Variants in TRDN observed in about 807,000 individuals in gnomAD.
TRDN encodes triadin, also known as triadin in skeletal muscle.
A neutral mutation model predicts 149.7 loss-of-function variants in TRDN; 161 were observed. The observed-to-expected ratio is 1.08, with a 90% CI of 0.95 to 1.23. TRDN has a LOEUF of 1.23. Among genes scored for constraint, TRDN ranks in the 50% most tolerant of loss-of-function variants. TRDN has a pLI of 0.00. For synonymous variants in TRDN, 294 were observed against 250.5 expected, an observed-to-expected ratio of 1.17 and a Z score of -1.64; for missense variants, 896 against 823.5, an observed-to-expected ratio of 1.09 and a Z score of -1.08.
rs149446213 is a variant in TRDN at position 123,491,132 on chromosome 6, A to AGAAGGAAG, written c.853+6053_853+6060dup. ...AAAAAAAAAATAAAGAAGGAACGAA[A>AGAAGGAAG]GAAGGAAGGAAGGAAGGAAGGAAGG... On this transcript the variant is annotated intron_variant, in intron 9 of 40. Transcript: ENST00000334268. Among the ~76,000 whole-genome samples, 81 of 146,348 alleles carry AGAAGGAAG rather than the reference A, an allele frequency of 5.5e-4. 1 individual carries two copies. The highest frequency in any genetic ancestry group is 3.5e-3 in the Middle Eastern group (1 of 284).
At chr6:123,583,311 G>A (rs956665856) in intron 1 of TRDN, among the ~76,000 whole-genome samples, 2 of 151,874 alleles carry the variant, frequency 1.3e-5, no homozygotes, top group South Asian at 4.2e-4. Context: ...AGTTTTTGGG[G>A]GGCACAGTCT....
At chr6:123,381,518 G>A in intron 15 of TRDN, 128 bp from the exon 16 acceptor site, 4 of 832,372 alleles carry the variant, frequency 4.8e-6, no homozygotes, top group East Asian at 2.7e-5. Flanking sequence ...ATTTCACAAT[G>A]AGGTGAAATT....
At chr6:123,305,209 C>T (rs1582845821) in intron 24 of TRDN, among the ~76,000 whole-genome samples, 1 of 152,064 alleles carries the variant, frequency 6.6e-6, no homozygotes. Context: ...ACTGTCATTT[C>T]CTGGAAGGCC....
In TRDN at chr6:123,393,637, T is replaced by G. The variant is rs886061032; in HGVS notation, c.1092A>C (p.Lys364Asn). 6.2e-7 allele frequency: 1 copy of G among 1,605,946 alleles called. No individual in the cohort carries two copies. The change falls in exon 13 of 41, where the codon AAA (lysine) becomes AAC (asparagine). Residue 364 changes from lysine to asparagine, a missense_variant. Physicochemically the swap from Lys to Asn is moderately conservative, Grantham distance 94. Coordinates refer to ENST00000334268, the MANE Select transcript of TRDN (RefSeq NM_006073.4). ...TTTATTGCTTACCTTGTGCTGCAAT[T>G]TTTACAGTCCCTTGTTTGGTTTCAG... Reference protein sequence around the residue: ...KASETKQGTVKIAAQAAAKKD... With the variant: ...KASETKQGTVNIAAQAAAKKD...
Position 123,548,683 on chromosome 6 carries a change from T to C in TRDN, c.233-71A>G. On this transcript the variant is annotated intron_variant, in intron 2 of 40. Transcript: ENST00000334268. ...TTCCAAATAACTTAAGAAAAGCTGT[T>C]TTTACTGATTTGTTGTTTTGACAAA... 4.2e-6 allele frequency: 5 copies of C among 1,202,702 alleles called. No individual in the cohort carries two copies. The South Asian group carries it at 1.6e-4, about 38-fold the overall frequency. The allele number at this position is 1,202,702 out of a possible 1,614,324, so 74.5% of individuals were successfully genotyped here. A position where few individuals can be genotyped will look rare whatever the true frequency, so the allele number is the denominator to read the frequency against.
chr6:123,267,825 A>T, intron 31 of TRDN, 74 bp from the exon 32 acceptor site: 3 of 1,192,444 alleles, frequency 2.5e-6, no homozygotes, highest in Non-Finnish European at 3.5e-6. Flanking sequence ...TATATTTGCA[A>T]GTGATCCTCA....
intron 1 of TRDN, among the ~76,000 whole-genome samples, chr6:123,588,652 AC>A (rs1371908579): frequency 3.9e-5 from 6 of 152,164 alleles, no homozygotes; most frequent in Admixed American, 3.9e-4. Context: ...TAAACAGGAG[AC>A]ATTTACTTCT....
chr6:123,405,947 C>T (rs1773175051), intron 12 of TRDN, among the ~76,000 whole-genome samples: 1 of 152,072 alleles, frequency 6.6e-6, no homozygotes. Context: ...GTATTTTGTG[C>T]TATAATGTTT....
chr6:123,624,725 T>C (rs762464887), intron 1 of TRDN, among the ~76,000 whole-genome samples: 1 of 152,102 alleles, frequency 6.6e-6, no homozygotes, highest in African/African-American at 2.4e-5. Flanking sequence ...TTTCTGACAG[T>C]TGGTATTTTT....
At chr6:123,619,543 A>G (rs1570187) in intron 1 of TRDN, among the ~76,000 whole-genome samples, 55,609 of 151,994 alleles carry the variant, frequency 0.37, 10,681 homozygotes, top group East Asian at 0.61. Context: ...CTTGGAAGTC[A>G]TTTTCACTGT....
chr6:123,603,738 A>C (rs1051825280), intron 1 of TRDN, among the ~76,000 whole-genome samples: 1 of 152,158 alleles, frequency 6.6e-6, no homozygotes, highest in Admixed American at 6.6e-5. Context: ...CCCTTTGCTG[A>C]TAATGACAAC....
At chr6:123,393,340 G>A (rs1227381158) in intron 13 of TRDN, among the ~76,000 whole-genome samples, 4 of 151,870 alleles carry the variant, frequency 2.6e-5, no homozygotes, top group Non-Finnish European at 5.9e-5. Context: ...CACATCAATG[G>A]ATTATTTTTA....
chr6:123,502,052 C>A, intron 8 of TRDN: 1 of 983,818 alleles, frequency 1.0e-6, no homozygotes, highest in Non-Finnish European at 1.2e-6. Flanking sequence ...ATATAACTGG[C>A]ATCAATTTTT....
At chr6:123,551,342 T>TAC (rs10638140) in intron 2 of TRDN, among the ~76,000 whole-genome samples, 2,818 of 140,870 alleles carry the variant, frequency 0.02, 39 homozygotes, top group Middle Eastern at 0.029. Flanking sequence ...AAAACCTAAA[T>TAC]ACACACACAC....
intron 12 of TRDN, among the ~76,000 whole-genome samples, chr6:123,396,744 A>G (rs551166364): frequency 6.6e-6 from 1 of 152,358 alleles, no homozygotes; most frequent in African/African-American, 2.4e-5. Flanking sequence ...AAAACTGAAA[A>G]GATATCATTA....
chr6:123,300,691 ATTAATT>A (rs1200326015), intron 24 of TRDN, among the ~76,000 whole-genome samples: 1 of 152,024 alleles, frequency 6.6e-6, no homozygotes, highest in East Asian at 1.9e-4. Context: ...TGAAATAAAA[ATTAATT>A]TTAGTTTTGT....
intron 24 of TRDN, among the ~76,000 whole-genome samples, chr6:123,302,600 G>A (rs1464897752): frequency 1.3e-5 from 2 of 152,032 alleles, no homozygotes; most frequent in African/African-American, 2.4e-5. Context: ...AACAGATAGG[G>A]ATAATGGAAT....
In TRDN at chr6:123,333,520, G is replaced by A. The variant is rs74693309; in HGVS notation, c.1421-1591C>T. ...AGTTTGCTACTGGCAAGATGCCTTCGGTTCCTAGGCTGAGTCATCACTTGC... is the reference window on the plus strand; with the variant it reads ...AGTTTGCTACTGGCAAGATGCCTTCAGTTCCTAGGCTGAGTCATCACTTGC... On this transcript the variant is annotated intron_variant, in intron 22 of 40. Transcript: ENST00000334268. 3.0e-3 allele frequency among the ~76,000 whole-genome samples: 463 copies of A among 152,134 alleles called. 1 individual carries two copies. The highest frequency in any genetic ancestry group is 3.6e-3 in the Admixed American group (55 of 15,232).
Position 123,503,704 on chromosome 6 carries a change from G to T in TRDN, c.793+15C>A. ...CTCTTAGAACCTCCGGCAGCCTCCT[G>T]CTCTGAATGTTTACCTTTCTGTTCA... is the stretch of plus-strand genomic sequence containing the variant. On this transcript the variant is annotated intron_variant, in intron 8 of 40. Coordinates refer to ENST00000334268, the MANE Select transcript of TRDN (RefSeq NM_006073.4). The T allele has an allele frequency of 6.2e-7, 1 of 1,613,422 alleles. No homozygotes were observed.
Sources: gnomAD v4.1 joint callset for allele counts (sites outside exome capture counted in the v4.1 genomes callset) on GRCh38, gnomAD v4.1.1 for gene constraint, MANE v1.5 for transcripts, NCBI Gene and HGNC (gene_info 2026-07-23, HGNC 2026-07-21) for gene names.